The following TENM3 variants were observed in gnomAD, a reference collection of about 807,000 sequenced individuals.
The protein encoded by TENM3 is teneurin transmembrane protein 3.
A neutral mutation model predicts 255.1 loss-of-function variants in TENM3; 63 were observed. The ratio of observed to expected loss-of-function variants is 0.25; its 90% CI spans 0.20 to 0.30. TENM3 has a LOEUF of 0.30. Ranked by LOEUF, TENM3 falls within the 10% of genes least tolerant of loss-of-function variation. The pLI is 1.00. For missense variants in TENM3, 2,929 were observed against 3,461.1 expected, an observed-to-expected ratio of 0.85 and a Z score of 3.86; for synonymous variants, 1,306 against 1,322.3, an observed-to-expected ratio of 0.99 and a Z score of 0.27.
the TENM3 span, among the ~76,000 whole-genome samples, chr4:182,007,104 G>T: frequency 6.6e-6 from 1 of 152,072 alleles, no homozygotes; most frequent in Non-Finnish European, 1.5e-5. Flanking sequence ...TCTTTGTTAT[G>T]ATTTCAGTTC....
intron 3 of TENM3, among the ~76,000 whole-genome samples, chr4:182,452,353 T>G (rs1382944640): frequency 1.3e-5 from 2 of 151,872 alleles, no homozygotes; most frequent in Non-Finnish European, 2.9e-5. Context: ...CGGGGGGGTG[T>G]CCAGTAAACT....
At chr4:181,886,048 G>GTTTT in the TENM3 span, among the ~76,000 whole-genome samples, 67 of 102,534 alleles carry the variant, frequency 6.5e-4, 1 homozygote, top group African/African-American at 2.2e-3. Flanking sequence ...TTTTTCTTGG[G>GTTTT]TTTTTTTTTT....
chr4:181,632,025 T>C, the TENM3 span, among the ~76,000 whole-genome samples: 13,584 of 152,238 alleles, frequency 0.089, 643 homozygotes, highest in East Asian at 0.14. Context: ...CAAATCCAGG[T>C]TGTTACCACT....
intron 1 of TENM3, among the ~76,000 whole-genome samples, chr4:182,307,685 ACAGTGACGACTG>A (rs1317860592): frequency 6.6e-6 from 1 of 152,240 alleles, no homozygotes; most frequent in Non-Finnish European, 1.5e-5. Flanking sequence ...TATTTTCTCA[ACAGTGACGACTG>A]CATTTTAGCA....
the TENM3 span, among the ~76,000 whole-genome samples, chr4:181,557,355 A>G: frequency 2.0e-5 from 3 of 152,148 alleles, no homozygotes; most frequent in African/African-American, 4.8e-5. Flanking sequence ...GTTGCGTTAT[A>G]TATGCAGCCC....
intron 3 of TENM3, among the ~76,000 whole-genome samples, chr4:182,406,419 G>C (rs1769585266): frequency 6.6e-6 from 1 of 152,340 alleles, no homozygotes; most frequent in Non-Finnish European, 1.5e-5. Context: ...AGAAGGTAAA[G>C]TATTTCAAAA....
chr4:182,750,451 A>G (rs889810113), intron 19 of TENM3, among the ~76,000 whole-genome samples: 3 of 152,178 alleles, frequency 2.0e-5, no homozygotes, highest in South Asian at 2.1e-4. Context: ...GCCTCCTCTA[A>G]CAACATGAGA....
chr4:182,363,233 G>A (rs1030033753), intron 3 of TENM3, among the ~76,000 whole-genome samples: 1 of 152,004 alleles, frequency 6.6e-6, no homozygotes, highest in African/African-American at 2.4e-5. Context: ...AGGGACATAG[G>A]TAACTTCTGA....
chr4:181,717,726 A>G, the TENM3 span, among the ~76,000 whole-genome samples: 2 of 152,176 alleles, frequency 1.3e-5, no homozygotes, highest in Non-Finnish European at 2.9e-5. Flanking sequence ...TTGCAGAGGT[A>G]TTGTTTGCAT....
intron 3 of TENM3, among the ~76,000 whole-genome samples, chr4:182,561,620 G>T (rs1413915020): frequency 6.6e-6 from 1 of 151,750 alleles, no homozygotes; most frequent in African/African-American, 2.4e-5. Context: ...TTAATGGGAA[G>T]ACTTTTTGTC....
intron 1 of TENM3, among the ~76,000 whole-genome samples, chr4:182,177,173 G>A (rs1470265285): frequency 6.6e-6 from 1 of 151,976 alleles, no homozygotes; most frequent in African/African-American, 2.4e-5. Context: ...GCTTAATAAC[G>A]GCTTCTTGTT....
At chr4:181,980,777 T>G in the TENM3 span, among the ~76,000 whole-genome samples, 1 of 152,206 alleles carries the variant, frequency 6.6e-6, no homozygotes, top group Non-Finnish European at 1.5e-5. Flanking sequence ...TGGTAATTCC[T>G]TTACTGTTAT....
At chr4:181,526,746 A>G in the TENM3 span, among the ~76,000 whole-genome samples, 4 of 152,166 alleles carry the variant, frequency 2.6e-5, no homozygotes, top group African/African-American at 9.7e-5. Context: ...AATTGAGACT[A>G]TTAGAGAGAG....
At chr4:181,833,033 C>T in the TENM3 span, among the ~76,000 whole-genome samples, 1 of 152,190 alleles carries the variant, frequency 6.6e-6, no homozygotes, top group Non-Finnish European at 1.5e-5. Flanking sequence ...AAAACAAACT[C>T]AGTAACATAT....
At chr4:182,449,773 GTC>G (rs1333781515) in intron 3 of TENM3, among the ~76,000 whole-genome samples, 3 of 152,230 alleles carry the variant, frequency 2.0e-5, no homozygotes, top group African/African-American at 7.2e-5. Context: ...TAATAGAGCA[GTC>G]TCTCAGAGAA....
intron 2 of TENM3, among the ~76,000 whole-genome samples, chr4:182,332,872 A>G (rs1424059174): frequency 6.6e-5 from 10 of 152,204 alleles, no homozygotes; most frequent in Non-Finnish European, 1.5e-5. Flanking sequence ...CCTGATTAAG[A>G]AATAATGAGA....
chr4:182,644,306 T>C (rs917498594), intron 5 of TENM3, among the ~76,000 whole-genome samples: 5 of 152,178 alleles, frequency 3.3e-5, no homozygotes, highest in African/African-American at 9.6e-5. Context: ...AGTGGCATGG[T>C]CCCCAGAGAC....
chr4:181,668,825 C>T, the TENM3 span, among the ~76,000 whole-genome samples: 5 of 152,278 alleles, frequency 3.3e-5, no homozygotes, highest in East Asian at 7.7e-4. Flanking sequence ...CTGGAATGTC[C>T]TGCTCTGCCT....
chr4:182,692,669 T>A (rs1036626100), intron 12 of TENM3, among the ~76,000 whole-genome samples: 1 of 152,202 alleles, frequency 6.6e-6, no homozygotes, highest in African/African-American at 2.4e-5. Context: ...TTGTTAGATA[T>A]AATGAAGAAG....
Sources: allele counts gnomAD v4.1 joint callset (sites outside exome capture counted in the v4.1 genomes callset), GRCh38; gene constraint gnomAD v4.1.1; transcripts MANE v1.5; gene names NCBI Gene and HGNC (gene_info 2026-07-23, HGNC 2026-07-21).